Variants in STXBP5L observed in about 807,000 individuals in gnomAD.
STXBP5L encodes syntaxin-binding protein 5-like.
STXBP5L carries 65 observed loss-of-function variants against 144.5 expected under a neutral mutation model. That is an observed-to-expected ratio of 0.45 (90% CI 0.37 to 0.55). STXBP5L has a LOEUF of 0.55. Among genes scored for constraint, STXBP5L ranks in the 20% least tolerant of loss-of-function variants. STXBP5L has a pLI of 0.00. For synonymous variants in STXBP5L, 505 were observed against 469.6 expected, an observed-to-expected ratio of 1.08 and a Z score of -0.97; for missense variants, 1,298 against 1,405.5, an observed-to-expected ratio of 0.92 and a Z score of 1.22.
intron 5 of STXBP5L, among the ~76,000 whole-genome samples, chr3:121,081,802 A>G (rs2042260254): frequency 1.3e-5 from 2 of 152,162 alleles, no homozygotes; most frequent in South Asian, 4.1e-4. Context: ...GCTCTCAATT[A>G]GGTGTGGAGA....
chr3:121,056,240 C>G (rs1948452846), intron 5 of STXBP5L, among the ~76,000 whole-genome samples: 1 of 152,050 alleles, frequency 6.6e-6, no homozygotes, highest in South Asian at 2.1e-4. Flanking sequence ...ATAAAACATT[C>G]ATATTTTAGG....
chr3:121,249,750 T>A (rs1484724422), intron 14 of STXBP5L, among the ~76,000 whole-genome samples: 1 of 152,056 alleles, frequency 6.6e-6, no homozygotes, highest in Non-Finnish European at 1.5e-5. Flanking sequence ...GAGTGAACAT[T>A]TTTTTGGCTT....
intron 9 of STXBP5L, among the ~76,000 whole-genome samples, chr3:121,191,938 G>T (rs1450906919): frequency 1.4e-5 from 2 of 146,224 alleles, no homozygotes; most frequent in East Asian, 2.0e-4. Context: ...ACACACAGGG[G>T]CCTGTTTTGG....
At chr3:121,104,364 C>T (rs1223994047) in intron 5 of STXBP5L, among the ~76,000 whole-genome samples, 3 of 152,176 alleles carry the variant, frequency 2.0e-5, no homozygotes, top group Non-Finnish European at 2.9e-5. Context: ...ATTAAAATAC[C>T]ATCATCATTC....
intron 19 of STXBP5L, among the ~76,000 whole-genome samples, chr3:121,280,365 A>T (rs2051017531): frequency 6.6e-6 from 1 of 151,822 alleles, no homozygotes; most frequent in South Asian, 2.1e-4. Flanking sequence ...ATTTTAGGTC[A>T]TTTACTACTT....
chr3:121,298,398 T>C (rs903247787), intron 19 of STXBP5L, among the ~76,000 whole-genome samples: 2 of 152,180 alleles, frequency 1.3e-5, no homozygotes, highest in Non-Finnish European at 2.9e-5. Flanking sequence ...GGTGAAAACC[T>C]TCATAACATT....
intron 19 of STXBP5L, among the ~76,000 whole-genome samples, chr3:121,281,951 A>G (rs2051074859): frequency 2.0e-5 from 3 of 151,672 alleles, no homozygotes; most frequent in Admixed American, 6.6e-5. Flanking sequence ...GTAAAAACAT[A>G]TAAGGAAAAT....
At chr3:121,099,978 C>T (rs1003822004) in intron 5 of STXBP5L, among the ~76,000 whole-genome samples, 7 of 152,078 alleles carry the variant, frequency 4.6e-5, no homozygotes, top group Admixed American at 1.3e-4. Context: ...AGACTTTAAA[C>T]CAACAACCGT....
chr3:121,054,960 T>G (rs1948343480), intron 5 of STXBP5L, among the ~76,000 whole-genome samples: 1 of 152,098 alleles, frequency 6.6e-6, no homozygotes, highest in South Asian at 2.1e-4. Context: ...TCTGGCCCCT[T>G]TTATGGACTT....
intron 20 of STXBP5L, among the ~76,000 whole-genome samples, chr3:121,322,684 G>A (rs1301135453): frequency 6.6e-6 from 1 of 151,212 alleles, no homozygotes; most frequent in South Asian, 2.1e-4. Flanking sequence ...TGTGTGTGGG[G>A]TGGGGGGTTG....
At chr3:120,934,134 C>T (rs1710126559) in intron 2 of STXBP5L, among the ~76,000 whole-genome samples, 1 of 145,094 alleles carries the variant, frequency 6.9e-6, no homozygotes, top group African/African-American at 2.6e-5. Flanking sequence ...TTTCTTTTCA[C>T]TGTCTCAGTT....
At chr3:121,003,541 A>G (rs1216579312) in intron 3 of STXBP5L, among the ~76,000 whole-genome samples, 1 of 152,162 alleles carries the variant, frequency 6.6e-6, no homozygotes, top group East Asian at 1.9e-4. Flanking sequence ...TGCTGTGCAG[A>G]AGCTCTTTAG....
chr3:121,342,976 G>A (rs951962484), intron 20 of STXBP5L, among the ~76,000 whole-genome samples: 11 of 150,752 alleles, frequency 7.3e-5, no homozygotes, highest in Admixed American at 6.0e-4. Context: ...GTGTAAAAGT[G>A]TTCCTATTTC....
chr3:121,226,004 A>C (rs1021584407), intron 11 of STXBP5L, among the ~76,000 whole-genome samples: 2 of 152,172 alleles, frequency 1.3e-5, no homozygotes, highest in African/African-American at 4.8e-5. Context: ...ACTAGTACAT[A>C]CTGATATCCT....
At chr3:121,225,339 G>A (rs1387611567) in intron 11 of STXBP5L, among the ~76,000 whole-genome samples, 1 of 152,100 alleles carries the variant, frequency 6.6e-6, no homozygotes, top group Non-Finnish European at 1.5e-5. Flanking sequence ...TCGTGGAGAG[G>A]AGGGTGAGCA....
At chr3:120,961,680 A>T (rs1438862743) in intron 3 of STXBP5L, among the ~76,000 whole-genome samples, 2 of 152,174 alleles carry the variant, frequency 1.3e-5, no homozygotes, top group East Asian at 1.9e-4. Context: ...TCATTGATGG[A>T]CATTTGGGAT....
In STXBP5L at chr3:121,024,165, A is replaced by T. The variant is rs145335402; in HGVS notation, c.288-17535A>T. On this transcript the variant is annotated intron_variant, in intron 3 of 26. Coordinates refer to ENST00000471454, the MANE Select transcript of STXBP5L (RefSeq NM_001308330.2). Reference sequence around the variant, plus strand: ...CAGACTTGGAGAAAATATTTGCAAAACATGTATCTAAAAAAGTATTGCTGT... The same window carrying T: ...CAGACTTGGAGAAAATATTTGCAAATCATGTATCTAAAAAAGTATTGCTGT... 3.7e-3 allele frequency among the ~76,000 whole-genome samples: 568 copies of T among 152,320 alleles called. 29 individuals are homozygous for T. The South Asian group carries it at 0.1, about 27-fold the overall frequency.
Position 121,407,384 on chromosome 3 carries a change from T to C in STXBP5L, c.2729T>C (p.Val910Ala), listed in dbSNP as rs765883670. ...ENEKSWRRKV[V>A]MNSSSASQEI... is the part of the protein sequence containing the mutation. Reference sequence around the variant, plus strand: ...GAAAAATCTTGGAGAAGGAAAGTGGTAATGAACTCATCTTCTGCATCCCAA... The same window carrying C: ...GAAAAATCTTGGAGAAGGAAAGTGGCAATGAACTCATCTTCTGCATCCCAA... Residue 910 changes from valine to alanine, a missense_variant, in exon 23 of 27, where the codon GTA becomes GCA. Coordinates refer to ENST00000471454, the MANE Select transcript of STXBP5L (RefSeq NM_001308330.2). 6.2e-7 allele frequency: 1 copy of C among 1,613,082 alleles called. No homozygotes were observed. Among genetic ancestry groups the C allele is most frequent in the South Asian group, 1.1e-5 (1 of 91,064 alleles).
chr3:121,355,620 A>G (rs554060193), intron 20 of STXBP5L, among the ~76,000 whole-genome samples: 2 of 152,012 alleles, frequency 1.3e-5, no homozygotes, highest in East Asian at 3.9e-4. Context: ...CTTCCTTGTG[A>G]TGGGTTCTAA....
Sources: allele counts gnomAD v4.1 joint callset (sites outside exome capture counted in the v4.1 genomes callset), GRCh38; gene constraint gnomAD v4.1.1; transcripts MANE v1.5; gene names NCBI Gene and HGNC (gene_info 2026-07-23, HGNC 2026-07-21).